Variants in ARHGEF7 observed in about 807,000 individuals in gnomAD.
ARHGEF7 encodes the protein Rho guanine nucleotide exchange factor 7.
Under a neutral mutation model 109.8 loss-of-function variants are expected in ARHGEF7, and 33 were observed. The ratio of observed to expected loss-of-function variants is 0.30; its 90% CI spans 0.23 to 0.40. ARHGEF7 has a LOEUF of 0.40. Among genes scored for constraint, ARHGEF7 ranks in the 10% least tolerant of loss-of-function variants. ARHGEF7 has a pLI of 1.00. For missense variants in ARHGEF7, 938 were observed against 1,098.5 expected (o/e 0.85, Z 2.07); for synonymous variants, 458 against 424.6 (o/e 1.08, Z -0.97).
chr13:111,143,912 T>C (rs761218728), intron 1 of ARHGEF7: 4 of 152,238 alleles, frequency 2.6e-5, no homozygotes, highest in Non-Finnish European at 5.9e-5. Flanking sequence ...TACGACTCAA[T>C]GGTGAAATGT....
At chr13:111,286,507 C>G (rs997481450) in intron 17 of ARHGEF7, among the ~76,000 whole-genome samples, 1 of 152,194 alleles carries the variant, frequency 6.6e-6, no homozygotes, top group African/African-American at 2.4e-5. Context: ...GGGGCCGGAC[C>G]TGGAGGGCTC....
At chr13:111,276,459 C>A (rs889544174) in intron 12 of ARHGEF7, among the ~76,000 whole-genome samples, 3 of 152,186 alleles carry the variant, frequency 2.0e-5, no homozygotes, top group African/African-American at 7.2e-5. Flanking sequence ...ATTATAAAAA[C>A]TTCACATCTT....
At chr13:111,244,112 G>A in intron 7 of ARHGEF7, 87 bp from the exon 8 acceptor site, 1 of 1,232,994 alleles carries the variant, frequency 8.1e-7, no homozygotes, top group Admixed American at 2.1e-5. Flanking sequence ...ATTAGGTTAA[G>A]ACTTCAATAG....
At chr13:111,143,905 G>A (rs1255993300) in intron 1 of ARHGEF7, 1 of 152,178 alleles carries the variant, frequency 6.6e-6, no homozygotes, top group African/African-American at 2.4e-5. Flanking sequence ...AACAAAATAC[G>A]ACTCAATGGT....
intron 1 of ARHGEF7, among the ~76,000 whole-genome samples, chr13:111,138,631 G>C (rs2075200229): frequency 6.6e-6 from 1 of 152,192 alleles, no homozygotes; most frequent in Non-Finnish European, 1.5e-5. Flanking sequence ...CTTGTTTTCT[G>C]AAGGTCTGAA....
Position 111,115,634 on chromosome 13 carries a change from G to T in ARHGEF7, c.108G>T (p.Lys36Asn). ...AGGGCTTTCTGCAGGCGTCGCTGAA[G>T]GATGGGGTGGTCCTCTGCAGGCTGC... is the stretch of plus-strand genomic sequence containing the variant. ...DPEGFLQASL[K>N]DGVVLCRLLE... The change falls in exon 1 of 22, where the codon AAG becomes AAT. Residue 36 changes from lysine (K) to asparagine (N), a missense_variant. Physicochemically the swap from Lys to Asn is moderately conservative, Grantham distance 94. Transcript: ENST00000646102. The T allele has an allele frequency of 1.4e-6, 2 of 1,396,478 alleles. No homozygotes were observed. The highest frequency in any genetic ancestry group is 1.4e-5 in the South Asian group (1 of 69,926). The allele number at this position is 1,396,478 out of a possible 1,614,324, so 86.5% of individuals were successfully genotyped here.
At chr13:111,133,075 T>C (rs1299656986) in intron 1 of ARHGEF7, among the ~76,000 whole-genome samples, 1 of 152,198 alleles carries the variant, frequency 6.6e-6, no homozygotes, top group Non-Finnish European at 1.5e-5. Flanking sequence ...TATACACATG[T>C]ATATACACAT....
At position 111,280,785 on chromosome 13, in the gene ARHGEF7, A is replaced by G; in HGVS notation, c.1725+108A>G. ...TAAAACCTAATCAATATTTGGATAA[A>G]AAGTGCAAAACACTTGCTTCACATT... On this transcript the variant is annotated intron_variant, in intron 15 of 21. Transcript: ENST00000646102. 2.4e-6 allele frequency: 3 copies of G among 1,273,888 alleles called. No homozygotes were observed. The South Asian group carries it at 4.8e-5, about 21-fold the overall frequency. 78.9% of individuals were successfully genotyped at this position (1,273,888 alleles called of 1,614,324 possible).
chr13:111,189,527 GTTAACAGC>G (rs1350960937), intron 2 of ARHGEF7, among the ~76,000 whole-genome samples: 2 of 152,180 alleles, frequency 1.3e-5, no homozygotes, highest in Non-Finnish European at 2.9e-5. Context: ...CGTGGTGAGT[GTTAACAGC>G]TTATAAAGGT....
At position 111,304,583 on chromosome 13, in the gene ARHGEF7, TC is replaced by T. The variant is rs2093623625; in HGVS notation, c.*1472del. Reference sequence around the variant, plus strand: ...AAATTGCCCTTTAACTGCACCTGAATCCTTTGTGTACTGATGCCTTTGAGCT... The same window carrying T: ...AAATTGCCCTTTAACTGCACCTGAATCTTTGTGTACTGATGCCTTTGAGCT... On this transcript the variant is annotated 3_prime_UTR_variant, in exon 22 of 22. Coordinates refer to ENST00000646102, the MANE Select transcript of ARHGEF7 (RefSeq NM_001354046.2). 6.6e-6 allele frequency: 1 copy of T among 152,258 alleles called. No homozygotes were observed. Among genetic ancestry groups the T allele is most frequent in the African/African-American group, 2.4e-5 (1 of 41,452 alleles). 9.4% of individuals were successfully genotyped at this position (152,258 alleles called of 1,614,324 possible). A position where few individuals can be genotyped will look rare whatever the true frequency, so the allele number is the denominator to read the frequency against.
intron 8 of ARHGEF7, among the ~76,000 whole-genome samples, chr13:111,249,319 A>G (rs2089408215): frequency 6.6e-6 from 1 of 152,088 alleles, no homozygotes; most frequent in Non-Finnish European, 1.5e-5. Context: ...CTAAAAAGTG[A>G]TTCAGGCAGG....
At position 111,179,244 on chromosome 13, in the gene ARHGEF7, A is replaced by G. The variant is rs371884678; in HGVS notation, c.252+25253A>G. Among the ~76,000 whole-genome samples the G allele has an allele frequency of 5.9e-5, 9 of 151,856 alleles. No individual in the cohort carries two copies. In the East Asian group the frequency reaches 1.4e-3, roughly 23 times the overall value. ...CAGGCACGTGCCATCACTCCCAGCT[A>G]CTTTTTTTTGTGTGTTTTTAGTAGA... On this transcript the variant is annotated intron_variant, in intron 2 of 21. Coordinates refer to ENST00000646102, the MANE Select transcript of ARHGEF7 (RefSeq NM_001354046.2).
intron 13 of ARHGEF7, among the ~76,000 whole-genome samples, chr13:111,279,830 C>G (rs1414553366): frequency 2.0e-5 from 3 of 152,236 alleles, no homozygotes; most frequent in African/African-American, 7.2e-5. Context: ...GTTCTTGCCT[C>G]AATTTCCCAC....
At chr13:111,257,559 C>T (rs900789344) in intron 8 of ARHGEF7, among the ~76,000 whole-genome samples, 24 of 152,234 alleles carry the variant, frequency 1.6e-4, no homozygotes, top group Non-Finnish European at 2.9e-4. Context: ...TGATTGTCCT[C>T]CCCACAGGAA....
chr13:111,230,631 G>C (rs923149770), intron 5 of ARHGEF7, among the ~76,000 whole-genome samples: 1 of 152,020 alleles, frequency 6.6e-6, no homozygotes, highest in Admixed American at 6.5e-5. Flanking sequence ...CTCCCCTGCA[G>C]GGTCTCCTGA....
At chr13:111,196,818 T>C (rs1302607022) in intron 2 of ARHGEF7, among the ~76,000 whole-genome samples, 1 of 152,118 alleles carries the variant, frequency 6.6e-6, no homozygotes, top group Non-Finnish European at 1.5e-5. Context: ...AAGCTGGACA[T>C]AAGGTATTTC....
intron 8 of ARHGEF7, among the ~76,000 whole-genome samples, chr13:111,250,868 G>A (rs747609835): frequency 6.6e-6 from 1 of 152,202 alleles, no homozygotes; most frequent in Non-Finnish European, 1.5e-5. Flanking sequence ...AAGATGTAGG[G>A]TAAGGGATGG....
At chr13:111,232,295 G>T (rs536752080) in intron 5 of ARHGEF7, among the ~76,000 whole-genome samples, 10 of 152,134 alleles carry the variant, frequency 6.6e-5, no homozygotes, top group Admixed American at 6.5e-4. Flanking sequence ...AGAACTAATG[G>T]TAAAGACACA....
At chr13:111,240,669 AATG>A (rs1424220938) in intron 6 of ARHGEF7, among the ~76,000 whole-genome samples, 2 of 152,214 alleles carry the variant, frequency 1.3e-5, no homozygotes, top group Non-Finnish European at 2.9e-5. Context: ...GAGAACATTA[AATG>A]ATGATCTTGT....
Sources: allele counts gnomAD v4.1 joint callset (sites outside exome capture counted in the v4.1 genomes callset), GRCh38; gene constraint gnomAD v4.1.1; transcripts MANE v1.5; gene names NCBI Gene and HGNC (gene_info 2026-07-23, HGNC 2026-07-21).